ADAMTSL3: variants seen among roughly 807,000 people sequenced by gnomAD.
ADAMTSL3 encodes the protein ADAMTS like 3, also known as ADAMTS-like protein 3.
In ADAMTSL3, 128 loss-of-function variants were observed where a neutral mutation model predicts 201.7. The ratio of observed to expected loss-of-function variants is 0.63; its 90% CI spans 0.55 to 0.73. The LOEUF is 0.73. Among genes scored for constraint, ADAMTSL3 ranks in the 30% least tolerant of loss-of-function variants. ADAMTSL3 has a pLI of 0.00. For synonymous variants in ADAMTSL3, 738 were observed against 748.4 expected (o/e 0.99, Z 0.23); for missense variants, 1,990 against 2,119.6 (o/e 0.94, Z 1.20).
chr15:83,668,299 TC>T (rs1314151519), intron 2 of ADAMTSL3, among the ~76,000 whole-genome samples: 7 of 102,718 alleles, frequency 6.8e-5, no homozygotes, highest in African/African-American at 3.0e-4. Flanking sequence ...CTTTTCTCAC[TC>T]TTTTTTTTCA....
intron 13 of ADAMTSL3, among the ~76,000 whole-genome samples, chr15:83,894,240 C>G (rs1239226137): frequency 6.6e-6 from 1 of 152,078 alleles, no homozygotes; most frequent in Non-Finnish European, 1.5e-5. Flanking sequence ...TTCTGATATC[C>G]CCAGACTAAA....
At chr15:83,866,468 A>G (rs997239962) in intron 8 of ADAMTSL3, among the ~76,000 whole-genome samples, 1 of 152,186 alleles carries the variant, frequency 6.6e-6, no homozygotes, top group Non-Finnish European at 1.5e-5. Context: ...AGGGACATGG[A>G]TGATGCTGGC....
At chr15:83,775,097 C>T (rs887438917) in intron 4 of ADAMTSL3, among the ~76,000 whole-genome samples, 94 of 152,164 alleles carry the variant, frequency 6.2e-4, no homozygotes, top group African/African-American at 2.2e-3. Flanking sequence ...CCATCTGCCT[C>T]GGCCTCCCAA....
At chr15:83,750,502 A>G (rs1272472491) in intron 3 of ADAMTSL3, among the ~76,000 whole-genome samples, 1 of 152,220 alleles carries the variant, frequency 6.6e-6, no homozygotes, top group Non-Finnish European at 1.5e-5. Context: ...TTCACTGATC[A>G]GAACTCTGGT....
chr15:83,674,775 A>ATATATATATATG (rs2061378674), intron 2 of ADAMTSL3, among the ~76,000 whole-genome samples: 2 of 142,750 alleles, frequency 1.4e-5, no homozygotes, highest in African/African-American at 5.1e-5. Flanking sequence ...ACATATATAT[A>ATATATATATATG]TATATATATA....
chr15:83,900,018 C>T (rs1054870673), intron 15 of ADAMTSL3, among the ~76,000 whole-genome samples: 4 of 152,288 alleles, frequency 2.6e-5, no homozygotes, highest in South Asian at 2.1e-4. Flanking sequence ...TAGGTTTTAA[C>T]GCATGTGATT....
intron 28 of ADAMTSL3, among the ~76,000 whole-genome samples, chr15:84,034,948 C>G (rs1179195133): frequency 6.6e-6 from 1 of 152,204 alleles, no homozygotes; most frequent in Admixed American, 6.5e-5. Context: ...AGTGCAGGTG[C>G]CCAGACTGCA....
At chr15:83,697,948 C>T (rs1827270834) in intron 2 of ADAMTSL3, among the ~76,000 whole-genome samples, 2 of 152,090 alleles carry the variant, frequency 1.3e-5, no homozygotes, top group South Asian at 4.2e-4. Context: ...AGAGTAACCT[C>T]ATTAGAACAA....
intron 2 of ADAMTSL3, among the ~76,000 whole-genome samples, chr15:83,663,938 C>T (rs1344974801): frequency 6.6e-6 from 1 of 152,118 alleles, no homozygotes; most frequent in African/African-American, 2.4e-5. Context: ...TCTCACTCTC[C>T]TTCTTTGGCT....
chr15:83,865,297 A>G (rs1369524827), intron 8 of ADAMTSL3, among the ~76,000 whole-genome samples: 1 of 152,176 alleles, frequency 6.6e-6, no homozygotes, highest in Non-Finnish European at 1.5e-5. Context: ...AAGAGCCCAC[A>G]TTGCCAAGTC....
chr15:83,914,797 G>A (rs535886937), intron 16 of ADAMTSL3, among the ~76,000 whole-genome samples: 1 of 152,346 alleles, frequency 6.6e-6, no homozygotes, highest in South Asian at 2.1e-4. Flanking sequence ...CTGCTCTTGA[G>A]TTCAGAACCC....
Position 83,704,965 on chromosome 15 carries a change from AGTGTGT to A in ADAMTSL3, c.189+486_189+491del, listed in dbSNP as rs10536633. Among the ~76,000 whole-genome samples the A allele has an allele frequency of 1.9e-3, 287 of 147,580 alleles. 2 individuals carry two copies. Among genetic ancestry groups the A allele is most frequent in the Admixed American group, 5.8e-3 (86 of 14,880 alleles). ...ATGCCTGTGTGTGCATATGTCTGTGAGTGTGTGTGTGTGTGTGTGTGTGTGTGTGTG... is the reference window on the plus strand; with the variant it reads ...ATGCCTGTGTGTGCATATGTCTGTGAGTGTGTGTGTGTGTGTGTGTGTGTG... On this transcript the variant is annotated intron_variant, in intron 3 of 29. Transcript: ENST00000286744.
At chr15:83,951,613 GA>G (rs1211980625) in intron 19 of ADAMTSL3, among the ~76,000 whole-genome samples, 2 of 152,078 alleles carry the variant, frequency 1.3e-5, no homozygotes, top group Non-Finnish European at 2.9e-5. Flanking sequence ...AATGTTGGTA[GA>G]AACCATCAGT....
intron 23 of ADAMTSL3, among the ~76,000 whole-genome samples, chr15:84,002,403 G>A (rs1218423518): frequency 1.3e-5 from 2 of 152,112 alleles, no homozygotes; most frequent in African/African-American, 4.8e-5. Flanking sequence ...CCTGTCTTCA[G>A]TGCCACCAGT....
At chr15:83,695,232 G>GTGGTATA (rs2061668665) in intron 2 of ADAMTSL3, among the ~76,000 whole-genome samples, 1 of 143,958 alleles carries the variant, frequency 6.9e-6, no homozygotes, top group Non-Finnish European at 1.5e-5. Context: ...TGTGTAATGT[G>GTGGTATA]TGTGTGTGTG....
At chr15:84,020,165 A>T (rs1292247755) in intron 25 of ADAMTSL3, among the ~76,000 whole-genome samples, 1 of 152,104 alleles carries the variant, frequency 6.6e-6, no homozygotes, top group African/African-American at 2.4e-5. Flanking sequence ...TACCTCAATT[A>T]AAAAAACACA....
At chr15:83,879,699 C>T (rs1160260459) in intron 9 of ADAMTSL3, among the ~76,000 whole-genome samples, 5 of 152,158 alleles carry the variant, frequency 3.3e-5, no homozygotes, top group African/African-American at 7.2e-5. Context: ...GTGTAGTCTT[C>T]TGTTGTTGGA....
intron 11 of ADAMTSL3, among the ~76,000 whole-genome samples, chr15:83,890,497 G>T (rs1295308938): frequency 6.6e-6 from 1 of 152,152 alleles, no homozygotes; most frequent in Non-Finnish European, 1.5e-5. Flanking sequence ...CTTTTGAACA[G>T]CTCCTGCTCT....
At chr15:83,749,632 T>C (rs539075544) in intron 3 of ADAMTSL3, among the ~76,000 whole-genome samples, 1 of 152,148 alleles carries the variant, frequency 6.6e-6, no homozygotes, top group South Asian at 2.1e-4. Context: ...AAGAAAACAC[T>C]AGATGGTCTG....
Sources: allele counts gnomAD v4.1 joint callset (sites outside exome capture counted in the v4.1 genomes callset), GRCh38; gene constraint gnomAD v4.1.1; transcripts MANE v1.5; gene names NCBI Gene and HGNC (gene_info 2026-07-23, HGNC 2026-07-21).